ZBED4: variants seen among roughly 807,000 people sequenced by gnomAD.
ZBED4 encodes zinc finger BED domain-containing protein 4.
In ZBED4, 4 loss-of-function variants were observed where a neutral mutation model predicts 15.5. That is an observed-to-expected ratio of 0.26 (90% CI 0.13 to 0.59). ZBED4 has a LOEUF of 0.59. ZBED4 is among the 20% of genes least tolerant of loss of function. The probability of loss-of-function intolerance (pLI) is 0.90; values close to 1 mark genes in which losing one functional copy is unlikely to be tolerated. For missense variants in ZBED4, 1,323 were observed against 1,461.8 expected (o/e 0.91, Z 1.55); for synonymous variants, 692 against 608.5 (o/e 1.14, Z -2.02).
rs2060408470 is a variant in ZBED4, at chr22:49,881,325, T to C, written c.-329-2009T>C. 2.0e-5 allele frequency among the ~76,000 whole-genome samples: 3 copies of C among 152,398 alleles called. No homozygotes were observed. The South Asian group carries it at 6.2e-4, about 32-fold the overall frequency. ...GATCGTGCCGCTGCACACTGCAGCC[T>C]GGGCGACAGAGTGATCCGTCTCAAA... On this transcript the variant is annotated intron_variant, in intron 1 of 1. Coordinates refer to ENST00000216268, the MANE Select transcript of ZBED4 (RefSeq NM_014838.3).
chr22:49,860,638 C>T (rs1476444405), intron 1 of ZBED4, among the ~76,000 whole-genome samples: 1 of 152,048 alleles, frequency 6.6e-6, no homozygotes, highest in Non-Finnish European at 1.5e-5. Context: ...ATTATTTTCT[C>T]TGGTTATGTT....
Position 49,885,140 on chromosome 22 carries a change from G to T in ZBED4, c.1478G>T (p.Gly493Val). ...AGCCGGGGGAAGAAGGGTGATGTGG[G>T]CACCAGCTGCCTGATGAGACATCTC... ...AISRGKKGDV[G>V]TSCLMRHLYR... The change falls in exon 2 of 2, where the codon GGC (glycine) becomes GTC (valine). Residue 493 changes from glycine to valine, a missense_variant. Around this residue, in one of 6 missense-constraint regions of ZBED4, gnomAD observed 429 missense variants for 397.9 expected, o/e 1.08. Coordinates refer to ENST00000216268, the MANE Select transcript of ZBED4 (RefSeq NM_014838.3). The T allele has an allele frequency of 6.2e-7, 1 of 1,613,080 alleles. No homozygotes were observed. Among genetic ancestry groups the T allele is most frequent in the South Asian group, 1.1e-5 (1 of 91,016 alleles).
chr22:49,874,018 C>T (rs961549362), intron 1 of ZBED4, among the ~76,000 whole-genome samples: 17 of 152,256 alleles, frequency 1.1e-4, no homozygotes, highest in African/African-American at 4.1e-4. Context: ...TGTGACCTCT[C>T]TGAACTCTCT....
At chr22:49,869,118 T>A (rs143427073) in intron 1 of ZBED4, among the ~76,000 whole-genome samples, 19 of 132,820 alleles carry the variant, frequency 1.4e-4, no homozygotes, top group African/African-American at 6.5e-4. Context: ...AGCAAAACTG[T>A]CTCAAAAAAA....
intron 1 of ZBED4, among the ~76,000 whole-genome samples, chr22:49,879,935 C>G (rs538897927): frequency 3.7e-5 from 5 of 135,162 alleles, no homozygotes; most frequent in African/African-American, 1.1e-4. Flanking sequence ...GTGTCTGGGC[C>G]TGTTTCTATT....
intron 1 of ZBED4, among the ~76,000 whole-genome samples, chr22:49,878,328 A>G (rs2060389012): frequency 6.7e-6 from 1 of 148,262 alleles, no homozygotes; most frequent in African/African-American, 2.4e-5. Context: ...AAGTCTTCAT[A>G]CAGAGATAGG....
intron 1 of ZBED4, among the ~76,000 whole-genome samples, chr22:49,871,757 A>ATTT (rs58224171): frequency 0.09 from 5,583 of 62,064 alleles, 206 homozygotes; most frequent in Non-Finnish European, 0.21. Flanking sequence ...TTATTTATTT[A>ATTT]TTTTTTTTTT....
rs571637622 is a variant in ZBED4, at chr22:49,857,771, T to C, written c.-330+3782T>C. ...CGCACTCAGCTAATTTTTGTTTGTTTTTTGAGATGGAATCTTGCTCTGTCA... is the reference window on the plus strand; with the variant it reads ...CGCACTCAGCTAATTTTTGTTTGTTCTTTGAGATGGAATCTTGCTCTGTCA... On this transcript the variant is annotated intron_variant, in intron 1 of 1. Coordinates refer to ENST00000216268, the MANE Select transcript of ZBED4 (RefSeq NM_014838.3). 3.9e-5 allele frequency among the ~76,000 whole-genome samples: 6 copies of C among 152,290 alleles called. No individual in the cohort carries two copies. The South Asian group carries it at 1.2e-3, about 32-fold the overall frequency.
Position 49,885,565 on chromosome 22 carries a change from T to A in ZBED4, c.1903T>A (p.Leu635Ile). The A allele has an allele frequency of 6.2e-7, 1 of 1,603,880 alleles. No individual in the cohort carries two copies. Among genetic ancestry groups the A allele is most frequent in the Non-Finnish European group, 8.5e-7 (1 of 1,172,030 alleles). The change falls in exon 2 of 2, where the codon TTA becomes ATA. Residue 635 changes from leucine (L) to isoleucine (I), a missense_variant. Leu to Ile is a conservative substitution (Grantham distance 5). Around this residue, in one of 6 missense-constraint regions of ZBED4, gnomAD observed 429 missense variants for 397.9 expected, o/e 1.08. Transcript: ENST00000216268. ...PDTRVPRGTE[L>I]SGASSFDDTN... Reference sequence around the variant, plus strand: ...CACCCGGGTGCCGCGGGGCACAGAATTATCAGGCGCTTCCTCTTTTGATGA... The same window carrying A: ...CACCCGGGTGCCGCGGGGCACAGAAATATCAGGCGCTTCCTCTTTTGATGA...
rs1251155004 is a variant in ZBED4 at position 49,883,574 on chromosome 22, T to C, written c.-89T>C. 3 of 1,428,910 alleles carry C rather than the reference T, an allele frequency of 2.1e-6. No homozygotes were observed. In the African/African-American group the frequency reaches 4.6e-5, roughly 22 times the overall value. 88.5% of individuals were successfully genotyped at this position (1,428,910 alleles called of 1,614,324 possible). On this transcript the variant is annotated 5_prime_UTR_variant, in exon 2 of 2. It removes the in-frame stop codon of an upstream open reading frame in the 5' UTR. Transcript: ENST00000216268. ...GAAAGATGGAATTATGACGAAAAAG[T>C]GAAGATAATCTACATTCGGGGGCAC...
intron 1 of ZBED4, among the ~76,000 whole-genome samples, chr22:49,872,113 A>T (rs577630792): frequency 6.6e-6 from 1 of 152,346 alleles, no homozygotes; most frequent in African/African-American, 2.4e-5. Flanking sequence ...AGTTCTCCAT[A>T]GTGTACATTT....
rs113722526 is a variant in ZBED4 at position 49,864,368 on chromosome 22, A to T, written c.-330+10379A>T. Among the ~76,000 whole-genome samples, 178 of 152,356 alleles carry T rather than the reference A, an allele frequency of 1.2e-3. 2 individuals carry two copies. The highest frequency in any genetic ancestry group is 4.0e-3 in the African/African-American group (168 of 41,578). On this transcript the variant is annotated intron_variant, in intron 1 of 1. Transcript: ENST00000216268. Reference sequence around the variant, plus strand: ...CAACTGCCACCTATATCATTACTGAAAACAGTGAAGATATTTTTTGCCTAA... The same window carrying T: ...CAACTGCCACCTATATCATTACTGATAACAGTGAAGATATTTTTTGCCTAA...
intron 1 of ZBED4, among the ~76,000 whole-genome samples, chr22:49,871,656 TG>T (rs1315952817): frequency 6.6e-6 from 1 of 152,126 alleles, no homozygotes; most frequent in Non-Finnish European, 1.5e-5. Context: ...GATGTTGCCT[TG>T]GTGTCCAGGG....
chr22:49,881,818 C>A (rs2060411126), intron 1 of ZBED4, among the ~76,000 whole-genome samples: 1 of 152,202 alleles, frequency 6.6e-6, no homozygotes, highest in Admixed American at 6.5e-5. Context: ...AGGCATGAGC[C>A]ACTGTGCCTG....
At position 49,885,424 on chromosome 22, in the gene ZBED4, C is replaced by A; in HGVS notation, c.1762C>A (p.Arg588=). 6.2e-7 allele frequency: 1 copy of A among 1,608,608 alleles called. No individual in the cohort carries two copies. The highest frequency in any genetic ancestry group is 8.5e-7 in the Non-Finnish European group (1 of 1,175,426). ...CTTGCACTGTGGCCGGACCATCAGC[C>A]GGGGGAAGAAGCCGACTAACTTGGG... ...VCLHCGRTIS[R]GKKPTNLGTS... is the part of the protein sequence containing the mutation. The change falls in exon 2 of 2, where the codon CGG becomes AGG. Residue 588 remains arginine, a synonymous_variant. Transcript: ENST00000216268.
rs1304798119 is a variant in ZBED4, at chr22:49,886,551, C to A, written c.2889C>A (p.Ile963=). The change falls in exon 2 of 2, where the codon ATC becomes ATA. Residue 963 remains isoleucine, a synonymous_variant. Transcript: ENST00000216268. The surrounding 1 kb of genome is among the most constrained non-coding windows in gnomAD (Gnocchi z 7.7). ...GCCAGGTCATCCCCATGGTACACAT[C>A]CTCAACAGGAAGGTGGAGATGCTCT... ...TLSQVIPMVH[I]LNRKVEMLFE... is the part of the protein sequence containing the mutation. 1 of 1,563,222 alleles carries A rather than the reference C, an allele frequency of 6.4e-7. No homozygotes were observed. The highest frequency in any genetic ancestry group is 2.2e-5 in the East Asian group (1 of 44,484).
intron 1 of ZBED4, among the ~76,000 whole-genome samples, chr22:49,874,234 C>T (rs191961873): frequency 2.0e-5 from 3 of 152,314 alleles, no homozygotes; most frequent in Admixed American, 2.0e-4. Context: ...GCACTGTTTC[C>T]CGGATGCGTC....
chr22:49,867,682 C>T (rs2060328462), intron 1 of ZBED4, among the ~76,000 whole-genome samples: 1 of 152,216 alleles, frequency 6.6e-6, no homozygotes, highest in Non-Finnish European at 1.5e-5. Flanking sequence ...CGGTGTATCA[C>T]ACGCTTGATG....
At chr22:49,860,165 G>A (rs1360171589) in intron 1 of ZBED4, among the ~76,000 whole-genome samples, 1 of 152,170 alleles carries the variant, frequency 6.6e-6, no homozygotes, top group African/African-American at 2.4e-5. Context: ...CGGGCATGAT[G>A]GTATGTGCCT....
Sources: allele counts gnomAD v4.1 joint callset (sites outside exome capture counted in the v4.1 genomes callset), GRCh38; gene constraint gnomAD v4.1.1; regional missense constraint gnomAD v4.1.1; non-coding constraint Gnocchi (gnomAD v3.1); transcripts MANE v1.5; gene names NCBI Gene and HGNC (gene_info 2026-07-23, HGNC 2026-07-21).